TMEM154: variants seen among roughly 807,000 people sequenced by gnomAD.
The protein encoded by TMEM154 is transmembrane protein 154.
TMEM154 carries 27 observed loss-of-function variants against 24.5 expected under a neutral mutation model. The observed-to-expected ratio is 1.10, with a 90% confidence interval of 0.81 to 1.52. TMEM154 has a LOEUF of 1.52. Ranked by LOEUF, TMEM154 falls within the 40% of genes most tolerant of loss-of-function variation. The pLI is 0.00. For missense variants in TMEM154, 228 were observed against 213.4 expected (o/e 1.07, Z -0.43); for synonymous variants, 67 against 76.8 (o/e 0.87, Z 0.67).
intron 3 of TMEM154, among the ~76,000 whole-genome samples, chr4:152,645,256 T>C (rs1752337028): frequency 6.6e-6 from 1 of 152,162 alleles, no homozygotes; most frequent in Admixed American, 6.5e-5. Context: ...CTAGTCAATA[T>C]CAGTGGAATA....
At position 152,624,688 on chromosome 4, in the gene TMEM154, A is replaced by G. The variant is rs901349376; in HGVS notation, c.*3858T>C. 10 of 152,238 alleles carry G rather than the reference A, an allele frequency of 6.6e-5. No homozygotes were observed. The highest frequency in any genetic ancestry group is 2.2e-4 in the African/African-American group (9 of 41,452). The allele number at this position is 152,238 out of a possible 1,614,324, so 9.4% of individuals were successfully genotyped here. ...AAACTTTGGTGCCAGACAAGACAGT[A>G]TCAAGATAAAGCCAAAGAGTTGCTA... On this transcript the variant is annotated 3_prime_UTR_variant, in exon 7 of 7. Transcript: ENST00000304385.
At chr4:152,674,087 T>C (rs1007087680) in intron 1 of TMEM154, among the ~76,000 whole-genome samples, 4 of 152,114 alleles carry the variant, frequency 2.6e-5, no homozygotes, top group Non-Finnish European at 4.4e-5. Context: ...AAAGGCAATC[T>C]TTTAAATGCA....
rs1228352097 is a variant in TMEM154 at position 152,626,599 on chromosome 4, A to G, written c.*1947T>C. On this transcript the variant is annotated 3_prime_UTR_variant, in exon 7 of 7. Transcript: ENST00000304385. ...CTTCTAGAATTTGAAATTATTTAAA[A>G]TACTGCATGAGAATATTTTTATCAT... 2 of 152,240 alleles carry G rather than the reference A, an allele frequency of 1.3e-5. No homozygotes were observed. Among genetic ancestry groups the G allele is most frequent in the African/African-American group, 4.8e-5 (2 of 41,466 alleles). 9.4% of individuals were successfully genotyped at this position (152,240 alleles called of 1,614,324 possible).
At chr4:152,631,133 T>C (rs1220350151) in intron 6 of TMEM154, among the ~76,000 whole-genome samples, 3 of 152,232 alleles carry the variant, frequency 2.0e-5, no homozygotes, top group East Asian at 1.9e-4. Flanking sequence ...TCAAATTATA[T>C]ACAATTTTAA....
At chr4:152,640,573 C>T (rs541641731) in intron 6 of TMEM154, among the ~76,000 whole-genome samples, 1 of 152,320 alleles carries the variant, frequency 6.6e-6, no homozygotes, top group East Asian at 1.9e-4. Flanking sequence ...TCGCCTCCAT[C>T]TGTTTTCCTT....
intron 6 of TMEM154, among the ~76,000 whole-genome samples, chr4:152,637,801 T>C (rs915918081): frequency 6.6e-6 from 1 of 152,148 alleles, no homozygotes; most frequent in Non-Finnish European, 1.5e-5. Context: ...CACAAGCTTT[T>C]AGAGAAAAAA....
chr4:152,651,873 T>G (rs994294609), intron 3 of TMEM154, among the ~76,000 whole-genome samples: 1 of 151,764 alleles, frequency 6.6e-6, no homozygotes, highest in Non-Finnish European at 1.5e-5. Flanking sequence ...ATGAGAGATA[T>G]GTGACTCTTC....
chr4:152,627,117 C>G lies in TMEM154; in HGVS notation c.*1429G>C, dbSNP rs1335239735. On this transcript the variant is annotated 3_prime_UTR_variant, in exon 7 of 7. Transcript: ENST00000304385. Reference sequence around the variant, plus strand: ...CATTGTATGGAAAGACCTCTCTGGTCTGGAACTCTGCCTTTGAAATTATCC... The same window carrying G: ...CATTGTATGGAAAGACCTCTCTGGTGTGGAACTCTGCCTTTGAAATTATCC... 1 of 152,242 alleles carries G rather than the reference C, an allele frequency of 6.6e-6. No individual in the cohort carries two copies. Among genetic ancestry groups the G allele is most frequent in the Non-Finnish European group, 1.5e-5 (1 of 68,052 alleles). The allele number at this position is 152,242 out of a possible 1,614,324, so 9.4% of individuals were successfully genotyped here.
intron 1 of TMEM154, among the ~76,000 whole-genome samples, chr4:152,655,363 C>A (rs1728470152): frequency 6.6e-6 from 1 of 152,346 alleles, no homozygotes; most frequent in East Asian, 1.9e-4. Flanking sequence ...CTCTCACAGG[C>A]CCTGAGACTA....
chr4:152,655,126 T>C (rs887992950), intron 1 of TMEM154, among the ~76,000 whole-genome samples: 1 of 151,976 alleles, frequency 6.6e-6, no homozygotes, highest in Non-Finnish European at 1.5e-5. Context: ...ATAACAAAAA[T>C]ACTGAGTAGA....
intron 3 of TMEM154, chr4:152,646,887 TA>T: frequency 1.4e-6 from 1 of 698,596 alleles, no homozygotes. Context: ...AGGCATCATG[TA>T]GCCACAGCCT....
intron 1 of TMEM154, among the ~76,000 whole-genome samples, chr4:152,677,461 T>C (rs1056606445): frequency 3.3e-5 from 5 of 152,236 alleles, no homozygotes; most frequent in African/African-American, 1.2e-4. Flanking sequence ...CAAGGAAATA[T>C]ACCTGTGACA....
chr4:152,670,594 C>T (rs930561781), intron 1 of TMEM154, among the ~76,000 whole-genome samples: 2 of 151,050 alleles, frequency 1.3e-5, no homozygotes, highest in Non-Finnish European at 2.9e-5. Context: ...GACTCCATCT[C>T]AAAAAAATAA....
At chr4:152,647,639 T>C (rs1190582892) in intron 3 of TMEM154, among the ~76,000 whole-genome samples, 4 of 152,240 alleles carry the variant, frequency 2.6e-5, no homozygotes, top group Non-Finnish European at 5.9e-5. Flanking sequence ...GTAGATGTTC[T>C]TTAATAAACA....
chr4:152,632,979 G>C (rs1579509318), intron 6 of TMEM154, among the ~76,000 whole-genome samples: 2 of 152,000 alleles, frequency 1.3e-5, no homozygotes, highest in Admixed American at 6.6e-5. Context: ...ACACATGAAT[G>C]AATGTTAGTA....
At chr4:152,667,842 G>T (rs1224215490) in intron 1 of TMEM154, among the ~76,000 whole-genome samples, 2 of 152,218 alleles carry the variant, frequency 1.3e-5, no homozygotes, top group Non-Finnish European at 2.9e-5. Flanking sequence ...TGAGGAGGTT[G>T]TCTGGTAAAA....
rs1196368484 is a variant in TMEM154, at chr4:152,624,262, T to C, written c.*4284A>G. ...TATCTCAGGAACATGATATGTTATT[T>C]AGAAAAGATAGTAGGGCAAAAAAAC... On this transcript the variant is annotated 3_prime_UTR_variant, in exon 7 of 7. Coordinates refer to ENST00000304385, the MANE Select transcript of TMEM154 (RefSeq NM_152680.3). 1.3e-5 allele frequency: 2 copies of C among 152,136 alleles called. No individual in the cohort carries two copies. Among genetic ancestry groups the C allele is most frequent in the Non-Finnish European group, 2.9e-5 (2 of 68,030 alleles). The allele number at this position is 152,136 out of a possible 1,614,324, so 9.4% of individuals were successfully genotyped here. A position where few individuals can be genotyped will look rare whatever the true frequency, so the allele number is the denominator to read the frequency against.
chr4:152,667,648 T>C (rs1380126623), intron 1 of TMEM154, among the ~76,000 whole-genome samples: 2 of 152,200 alleles, frequency 1.3e-5, no homozygotes, highest in Non-Finnish European at 2.9e-5. Flanking sequence ...AGTAAATAGG[T>C]GGTTGAACAG....
chr4:152,656,184 C>A (rs1256079787), intron 1 of TMEM154, among the ~76,000 whole-genome samples: 1 of 152,148 alleles, frequency 6.6e-6, no homozygotes, highest in Admixed American at 6.5e-5. Context: ...TGGGACCCAG[C>A]GTGTTGTCCT....
Sources: allele counts gnomAD v4.1 joint callset (sites outside exome capture counted in the v4.1 genomes callset), GRCh38; gene constraint gnomAD v4.1.1; transcripts MANE v1.5; gene names NCBI Gene and HGNC (gene_info 2026-07-23, HGNC 2026-07-21).